Variants in THADA observed in about 807,000 individuals in gnomAD.
THADA encodes the protein THADA armadillo repeat containing, also known as tRNA (32-2'-O)-methyltransferase regulator THADA.
A neutral mutation model predicts 219.8 loss-of-function variants in THADA; 213 were observed. The ratio of observed to expected loss-of-function variants is 0.97; its 90% CI spans 0.87 to 1.09. THADA has a LOEUF of 1.09. THADA is among the 50% of genes least tolerant of loss of function. THADA has a pLI of 0.00. For synonymous variants in THADA, 1,018 were observed against 828.9 expected (o/e 1.23, Z -3.92); for missense variants, 2,956 against 2,311.3 (o/e 1.28, Z -5.72).
At chr2:43,293,513 C>T (rs549268220) in intron 31 of THADA, among the ~76,000 whole-genome samples, 115 of 152,204 alleles carry the variant, frequency 7.6e-4, no homozygotes, top group Admixed American at 1.9e-3. Context: ...CTCTTATCAC[C>T]GAGCCTCAAA....
chr2:43,491,335 A>C (rs905451461), intron 25 of THADA, among the ~76,000 whole-genome samples: 4 of 152,194 alleles, frequency 2.6e-5, no homozygotes, highest in African/African-American at 7.2e-5. Context: ...GGAAGGATAG[A>C]TGGAAAACAC....
At chr2:43,279,343 T>TA (rs1441038448) in intron 36 of THADA, among the ~76,000 whole-genome samples, 1 of 152,194 alleles carries the variant, frequency 6.6e-6, no homozygotes, top group South Asian at 2.1e-4. Flanking sequence ...TTCTGTCACA[T>TA]ATAAAAACTC....
chr2:43,551,915 A>G lies in THADA; in HGVS notation c.2821T>C (p.Leu941=), dbSNP rs767083139. ...LQKLSLNSLQ[L]VSEWRPVVEK... is the part of the protein sequence containing the mutation. The stretch of plus-strand genomic sequence containing the variant: ...ACCACAGGTCTCCACTCGCTCACCA[A>G]CTGCAGGCTGCTGCAACAAGGACAT... The change falls in exon 19 of 38, where the codon TTG becomes CTG. Residue 941 remains leucine (L), a synonymous_variant. Transcript: ENST00000405975. 2.5e-6 allele frequency: 4 copies of G among 1,610,894 alleles called. No individual in the cohort carries two copies. The highest frequency in any genetic ancestry group is 4.5e-5 in the East Asian group (2 of 44,872).
At chr2:43,594,085 A>C (rs1559043909) in intron 1 of THADA, among the ~76,000 whole-genome samples, 1 of 152,174 alleles carries the variant, frequency 6.6e-6, no homozygotes, top group Admixed American at 6.5e-5. Flanking sequence ...GGAATATTCA[A>C]AGAGAAGATG....
At chr2:43,242,368 C>G (rs1431141603) in intron 36 of THADA, among the ~76,000 whole-genome samples, 1 of 152,246 alleles carries the variant, frequency 6.6e-6, no homozygotes, top group Non-Finnish European at 1.5e-5. Context: ...ATTTTATACT[C>G]AAGGTGACTG....
At chr2:43,549,167 GTTAC>G (rs1367479441) in intron 20 of THADA, 39 bp downstream of exon 20, 35 of 1,460,464 alleles carry the variant, frequency 2.4e-5, no homozygotes, top group Non-Finnish European at 3.1e-5. Flanking sequence ...CATTTTACTG[GTTAC>G]TTAAACATGA....
chr2:43,430,333 C>CA (rs1679075314), intron 26 of THADA, 31 bp from the exon 27 acceptor site: 1 of 1,276,200 alleles, frequency 7.8e-7, no homozygotes, highest in Non-Finnish European at 1.1e-6. Flanking sequence ...AATTTATTAT[C>CA]ATTTATTCCC....
At chr2:43,333,086 C>T (rs1479068759) in intron 30 of THADA, 1 of 152,178 alleles carries the variant, frequency 6.6e-6, no homozygotes, top group Non-Finnish European at 1.5e-5. Flanking sequence ...CTTCCTCAAA[C>T]AGCTTATTCC....
intron 31 of THADA, among the ~76,000 whole-genome samples, chr2:43,305,873 C>A (rs1676795477): frequency 6.6e-6 from 1 of 152,116 alleles, no homozygotes; most frequent in Non-Finnish European, 1.5e-5. Flanking sequence ...TAAGCATACA[C>A]TACTTCTGGT....
intron 28 of THADA, among the ~76,000 whole-genome samples, chr2:43,408,591 C>T (rs976850938): frequency 2.6e-5 from 4 of 152,164 alleles, no homozygotes; most frequent in Non-Finnish European, 5.9e-5. Context: ...GAGTCTCTTA[C>T]GCAAGGCTAC....
chr2:43,408,919 G>A (rs1294104827), intron 28 of THADA, among the ~76,000 whole-genome samples: 1 of 152,118 alleles, frequency 6.6e-6, no homozygotes. Flanking sequence ...TCTAGTTTGA[G>A]CCTCTGTGGA....
chr2:43,428,568 G>A (rs1678813004), intron 27 of THADA, among the ~76,000 whole-genome samples: 1 of 152,154 alleles, frequency 6.6e-6, no homozygotes, highest in Non-Finnish European at 1.5e-5. Flanking sequence ...TCACGCCACT[G>A]CACTCCAGCC....
At position 43,574,833 on chromosome 2, in the gene THADA, G is replaced by A; in HGVS notation, c.1232C>T (p.Thr411Ile). Residue 411 changes from threonine (T) to isoleucine (I), a missense_variant, in exon 11 of 38, where the codon ACC becomes ATC. By Grantham distance (89) the Thr-to-Ile change is moderately conservative. Transcript: ENST00000405975. ...GAGAAGGTTTTTGAACATGATTTTG[G>A]TTTGGTGTCTCAGAGCATCCAATGG... ...EHPLDALRHQ[T>I]KIMFKNLLQM... The A allele has an allele frequency of 1.2e-6, 2 of 1,613,936 alleles. No homozygotes were observed. The highest frequency in any genetic ancestry group is 1.7e-6 in the Non-Finnish European group (2 of 1,179,870).
intron 35 of THADA, 23 bp from the exon 36 acceptor site, chr2:43,279,919 G>C (rs1673147546): frequency 6.7e-7 from 1 of 1,486,166 alleles, no homozygotes; most frequent in South Asian, 1.4e-5. Flanking sequence ...AAAGGAATCT[G>C]AATTACCTAG....
At chr2:43,558,232 CCGT>C (rs2103921559) in intron 16 of THADA, among the ~76,000 whole-genome samples, 1 of 152,216 alleles carries the variant, frequency 6.6e-6, no homozygotes, top group Non-Finnish European at 1.5e-5. Flanking sequence ...GAAAAATATG[CCGT>C]CAACAATACG....
At chr2:43,442,702 T>G (rs1573669993) in intron 26 of THADA, among the ~76,000 whole-genome samples, 1 of 152,112 alleles carries the variant, frequency 6.6e-6, no homozygotes, top group Non-Finnish European at 1.5e-5. Flanking sequence ...CAAGAGCAGA[T>G]GGACTAGGCT....
rs1467334011 is a variant in THADA at position 43,581,939 on chromosome 2, G to A, written c.534-11C>T. The A allele has an allele frequency of 6.6e-7, 1 of 1,506,384 alleles. No homozygotes were observed. The highest frequency in any genetic ancestry group is 2.5e-5 in the Admixed American group (1 of 39,858). The allele number at this position is 1,506,384 out of a possible 1,614,324, so 93.3% of individuals were successfully genotyped here. A position where few individuals can be genotyped will look rare whatever the true frequency, so the allele number is the denominator to read the frequency against. On this transcript the variant is annotated splice_polypyrimidine_tract_variant and intron_variant, in intron 7 of 37. Coordinates refer to ENST00000405975, the MANE Select transcript of THADA (RefSeq NM_022065.5). Reference sequence around the variant, plus strand: ...TTTCCAGCACATTTTCTATAAAGAAGAAAAGACATTATTACAAAAGGAAAT... The same window carrying A: ...TTTCCAGCACATTTTCTATAAAGAAAAAAAGACATTATTACAAAAGGAAAT...
intron 29 of THADA, among the ~76,000 whole-genome samples, chr2:43,367,960 T>A (rs1275261923): frequency 6.6e-6 from 1 of 151,780 alleles, no homozygotes; most frequent in Non-Finnish European, 1.5e-5. Flanking sequence ...CTACTAAAAA[T>A]ACAAAAAATT....
chr2:43,479,763 GCTCCT>G lies in THADA; in HGVS notation c.3836+5466_3836+5470del, dbSNP rs61249279. Among the ~76,000 whole-genome samples the G allele has an allele frequency of 9.9e-3, 1,513 of 152,264 alleles. 18 individuals are homozygous for G. Among genetic ancestry groups the G allele is most frequent in the African/African-American group, 0.033 (1,374 of 41,542 alleles). ...GTTGACATTAGAAACCTTGAGCCTTGCTCCTCTCCTCCCTCACCTCTGTCTACATG... is the reference window on the plus strand; with the variant it reads ...GTTGACATTAGAAACCTTGAGCCTTGCTCCTCCCTCACCTCTGTCTACATG... On this transcript the variant is annotated intron_variant, in intron 26 of 37. Coordinates refer to ENST00000405975, the MANE Select transcript of THADA (RefSeq NM_022065.5).
Sources: allele counts gnomAD v4.1 joint callset (sites outside exome capture counted in the v4.1 genomes callset), GRCh38; gene constraint gnomAD v4.1.1; transcripts MANE v1.5; gene names NCBI Gene and HGNC (gene_info 2026-07-23, HGNC 2026-07-21).